Variants in RBM10 observed in about 807,000 individuals in gnomAD.
RBM10 encodes RNA binding motif protein 10.
RBM10 carries 1 observed loss-of-function variant against 84.9 expected under a neutral mutation model. The observed-to-expected ratio is 0.01, with a 90% CI of 0.00 to 0.06. RBM10 has a LOEUF of 0.06. Ranked by LOEUF, RBM10 falls within the 10% of genes least tolerant of loss-of-function variation. RBM10 has a pLI of 1.00. For missense variants in RBM10, 438 were observed against 839.0 expected, an observed-to-expected ratio of 0.52 and a Z score of 5.90; for synonymous variants, 326 against 344.5, an observed-to-expected ratio of 0.95 and a Z score of 0.60.
intron 3 of RBM10, 88 bp downstream of exon 3, chrX:47,169,586 C>G: frequency 1.0e-6 from 1 of 957,882 alleles, no homozygotes; most frequent in Non-Finnish European, 1.4e-6. Context: ...GTGCAGGCAG[C>G]TCTCCACTCC....
chrX:47,171,324 C>A, intron 4 of RBM10, 66 bp downstream of exon 4: 2 of 1,175,630 alleles, frequency 1.7e-6, no homozygotes, highest in Admixed American at 2.3e-5. Context: ...CTCAACTTCT[C>A]CCCACCCCTC....
At position 47,179,477 on chromosome X, in the gene RBM10, T is replaced by A. The variant is rs2147169605; in HGVS notation, c.883T>A (p.Ser295Thr). Residue 295 changes from serine (S) to threonine (T), a missense_variant, in exon 9 of 24, where the codon TCA becomes ACA. Physicochemically the swap from Ser to Thr is moderately conservative, Grantham distance 58. Coordinates refer to ENST00000377604, the MANE Select transcript of RBM10 (RefSeq NM_005676.5). Reference sequence around the variant, plus strand: ...CCTGTCACAGGGCTCGGAGCCAAGCTCAGAGAACGCCAATGACAGTGAGTC... The same window carrying A: ...CCTGTCACAGGGCTCGGAGCCAAGCACAGAGAACGCCAATGACAGTGAGTC... ...QALSQGSEPS[S>T]ENANDTIILR... 1 of 1,201,458 alleles carries A rather than the reference T, an allele frequency of 8.3e-7. No individual in the cohort carries two copies. The highest frequency in any genetic ancestry group is 1.1e-6 in the Non-Finnish European group (1 of 894,749).
At chrX:47,148,680 T>G (rs1932508845) in intron 2 of RBM10, among the ~76,000 whole-genome samples, 1 of 33,112 alleles carries the variant, frequency 3.0e-5, no homozygotes, top group East Asian at 1.2e-3. Flanking sequence ...TCATAGAAAA[T>G]GTATCCTTCT....
intron 2 of RBM10, among the ~76,000 whole-genome samples, chrX:47,152,441 CTTTTTTTTTTTTT>C (rs782688935): frequency 9.0e-4 from 59 of 65,243 alleles, no homozygotes; most frequent in Admixed American, 2.8e-3. Flanking sequence ...CACTCTATAT[CTTTTTTTTTTTTT>C]TTTTTTTTTT....
At chrX:47,176,640 C>T (rs1167996559) in intron 7 of RBM10, 54 bp downstream of exon 7, 3 of 1,199,755 alleles carry the variant, frequency 2.5e-6, no homozygotes, top group South Asian at 3.6e-5. Flanking sequence ...ACAGCAGTGG[C>T]GGCGATCTCT....
At chrX:47,151,815 G>T (rs1475913732) in intron 2 of RBM10, among the ~76,000 whole-genome samples, 2 of 112,490 alleles carry the variant, frequency 1.8e-5, no homozygotes, top group Non-Finnish European at 3.8e-5. Flanking sequence ...TAAGTTTTTA[G>T]AATGTATCCT....
intron 4 of RBM10, among the ~76,000 whole-genome samples, chrX:47,172,275 C>T (rs1225669374): frequency 3.6e-5 from 4 of 112,415 alleles, no homozygotes; most frequent in African/African-American, 9.7e-5. Context: ...GCTGCTTCCT[C>T]AGCCTTCCCT....
intron 17 of RBM10, among the ~76,000 whole-genome samples, chrX:47,184,590 G>A (rs781982023): frequency 2.6e-4 from 29 of 110,890 alleles, no homozygotes; most frequent in African/African-American, 9.2e-4. Context: ...GCACTACTGT[G>A]TCCCTCACCT....
At chrX:47,172,736 G>C (rs2147140971) in intron 4 of RBM10, among the ~76,000 whole-genome samples, 1 of 112,371 alleles carries the variant, frequency 8.9e-6, no homozygotes, top group East Asian at 2.8e-4. Flanking sequence ...TTATCCCCTT[G>C]CCAAGGGCAA....
rs2147213752 is a variant in RBM10 at position 47,185,341 on chromosome X, C to T, written c.2140C>T (p.Pro714Ser). The change falls in exon 19 of 24, where the codon CCG (proline) becomes TCG (serine). Residue 714 changes from proline to serine, a missense_variant. This residue lies in a region of RBM10 where 21 missense variants were observed against 16.1 expected (regional missense o/e 1.30). Transcript: ENST00000377604. Reference protein sequence around the residue: ...AERQHTSMDLPKLASDDRPSP... With the variant: ...AERQHTSMDLSKLASDDRPSP... ...GAGACAGCACACCAGCATGGATCTCCCGAAATTGGCCAGTGACGACCGCCC... is the reference window on the plus strand; with the variant it reads ...GAGACAGCACACCAGCATGGATCTCTCGAAATTGGCCAGTGACGACCGCCC... The T allele has an allele frequency of 6.6e-6, 8 of 1,207,161 alleles. No homozygotes were observed. The highest frequency in any genetic ancestry group is 9.0e-6 in the Non-Finnish European group (8 of 893,109).
At position 47,179,974 on chromosome X, in the gene RBM10, C is replaced by T. The variant is rs1935402001; in HGVS notation, c.996C>T (p.Arg332=). The T allele has an allele frequency of 2.5e-6, 3 of 1,211,416 alleles. No individual in the cohort carries two copies. The highest frequency in any genetic ancestry group is 3.4e-6 in the Non-Finnish European group (3 of 895,262). The stretch of plus-strand genomic sequence containing the variant: ...CGGTGCTGTCCTCCTCCAACGTGCG[C>T]GTCATAAAGGACAAGCAGACCCAAC... ...PYAVLSSSNV[R]VIKDKQTQLN... is the part of the protein sequence containing the mutation. The change falls in exon 10 of 24, where the codon CGC becomes CGT. Residue 332 remains arginine (R), a synonymous_variant. Transcript: ENST00000377604.
chrX:47,161,173 C>T (rs1308131339), intron 2 of RBM10, among the ~76,000 whole-genome samples: 1 of 110,379 alleles, frequency 9.1e-6, no homozygotes, highest in Non-Finnish European at 1.9e-5. Flanking sequence ...GGGTCTGGAA[C>T]TCAAGGGTTA....
Position 47,181,642 on chromosome X carries a change from G to A in RBM10, c.1571G>A (p.Ser524Asn), listed in dbSNP as rs782405524. Reference protein sequence around the residue: ...ASSSQGTAANSQSYTIMSPAV... With the variant: ...ASSSQGTAANNQSYTIMSPAV... Reference sequence around the variant, plus strand: ...AGTAGCCAGGGCACTGCTGCCAACAGCCAGGTGAGTGAGCCCTGTGGGTAT... The same window carrying A: ...AGTAGCCAGGGCACTGCTGCCAACAACCAGGTGAGTGAGCCCTGTGGGTAT... The change falls in exon 14 of 24, where the codon AGC becomes AAC. Residue 524 changes from serine (S) to asparagine (N), a missense_variant. By Grantham distance (46) the Ser-to-Asn change is conservative. This residue lies in a region of RBM10 where 97 missense variants were observed against 110.3 expected (regional missense o/e 0.88). Transcript: ENST00000377604. The A allele has an allele frequency of 1.6e-5, 19 of 1,205,309 alleles. No individual in the cohort carries two copies. In the South Asian group the frequency reaches 3.0e-4, roughly 19 times the overall value.
At chrX:47,145,605 G>GCACCAACCCC in intron 1 of RBM10, 120 bp downstream of exon 1, 2 of 273,797 alleles carry the variant, frequency 7.3e-6, no homozygotes, top group Non-Finnish European at 1.1e-5. Flanking sequence ...TTGGTGCAAT[G>GCACCAACCCC]TCTCAACCCG....
At chrX:47,167,382 T>TC (rs55778481) in intron 2 of RBM10, among the ~76,000 whole-genome samples, 1,690 of 107,410 alleles carry the variant, frequency 0.016, 19 homozygotes, top group Non-Finnish European at 0.023. Flanking sequence ...TCATTTCTTT[T>TC]TTTTTTTTTT....
intron 1 of RBM10, among the ~76,000 whole-genome samples, chrX:47,146,567 C>T (rs782215054): frequency 9.0e-6 from 1 of 111,730 alleles, no homozygotes; most frequent in East Asian, 2.8e-4. Flanking sequence ...CCTGAGTTCT[C>T]ACCACAGCCC....
At chrX:47,162,215 C>G (rs1415402782) in intron 2 of RBM10, among the ~76,000 whole-genome samples, 2 of 112,221 alleles carry the variant, frequency 1.8e-5, no homozygotes, top group East Asian at 5.6e-4. Context: ...TTTAAATTCC[C>G]AGAAGTAGAA....
At position 47,181,611 on chromosome X, in the gene RBM10, G is replaced by A. The variant is rs200884733; in HGVS notation, c.1540G>A (p.Ala514Thr). The A allele has an allele frequency of 8.3e-7, 1 of 1,205,291 alleles. No homozygotes were observed. The highest frequency in any genetic ancestry group is 1.7e-5 in the African/African-American group (1 of 57,403). The change falls in exon 14 of 24, where the codon GCG becomes ACG. Residue 514 changes from alanine (A) to threonine (T), a missense_variant. This residue lies in a region of RBM10 where 97 missense variants were observed against 110.3 expected (regional missense o/e 0.88). Transcript: ENST00000377604. ...APGIYQQSAE[A>T]SSSQGTAANS... The stretch of plus-strand genomic sequence containing the variant: ...TGGCATCTACCAACAATCAGCCGAG[G>A]CGAGCAGTAGCCAGGGCACTGCTGC...
rs182115435 is a variant in RBM10 at position 47,168,801 on chromosome X, G to A, written c.18-514G>A. 4.5e-5 allele frequency among the ~76,000 whole-genome samples: 5 copies of A among 110,879 alleles called. No individual in the cohort carries two copies. The East Asian group carries it at 8.6e-4, about 19-fold the overall frequency. Reference sequence around the variant, plus strand: ...GGGAGCCACTAAAGGGAGTGAGATGGGTTTGAGTGGCTTTGCCTTAGAAAG... The same window carrying A: ...GGGAGCCACTAAAGGGAGTGAGATGAGTTTGAGTGGCTTTGCCTTAGAAAG... On this transcript the variant is annotated intron_variant, in intron 2 of 23. Coordinates refer to ENST00000377604, the MANE Select transcript of RBM10 (RefSeq NM_005676.5).
Sources: gnomAD v4.1 joint callset for allele counts (sites outside exome capture counted in the v4.1 genomes callset) on GRCh38, gnomAD v4.1.1 for gene constraint, gnomAD v4.1.1 regional missense constraint, MANE v1.5 for transcripts, NCBI Gene and HGNC (gene_info 2026-07-23, HGNC 2026-07-21) for gene names.